The following SPTBN1 variants were observed in gnomAD, a reference collection of about 807,000 sequenced individuals.
The protein encoded by SPTBN1 is spectrin beta, non-erythrocytic 1.
A neutral mutation model predicts 266.4 loss-of-function variants in SPTBN1; 32 were observed. The ratio of observed to expected loss-of-function variants is 0.12; its 90% confidence interval spans 0.09 to 0.16. SPTBN1 has a LOEUF of 0.16. SPTBN1 is among the 10% of genes least tolerant of loss of function. The probability of loss-of-function intolerance (pLI) is 1.00; values close to 1 mark genes in which losing one functional copy is unlikely to be tolerated. For missense variants in SPTBN1, 2,296 were observed against 3,067.1 expected (o/e 0.75, Z 5.94); for synonymous variants, 1,336 against 1,162.2 (o/e 1.15, Z -3.04).
In SPTBN1 at chr2:54,582,128, G is replaced by A. The variant is rs1373338327; in HGVS notation, c.149-16964G>A. On this transcript the variant is annotated intron_variant, in intron 2 of 35. Coordinates refer to ENST00000356805, the MANE Select transcript of SPTBN1 (RefSeq NM_003128.3). ...GACACTGATGCTTTTTAAAAACATG[G>A]CAGTGATAAATTATTTCATCACTTT... Among the ~76,000 whole-genome samples the A allele has an allele frequency of 3.3e-5, 5 of 152,130 alleles. No individual in the cohort carries two copies. The East Asian group carries it at 7.7e-4, about 23-fold the overall frequency.
chr2:54,648,982 T>TAA lies in SPTBN1; in HGVS notation c.4998-4_4998-3insAA. 6.3e-7 allele frequency: 1 copy of TAA among 1,589,544 alleles called. No homozygotes were observed. Among genetic ancestry groups the TAA allele is most frequent in the South Asian group, 1.1e-5 (1 of 88,686 alleles). ...TTCTCCCCATTGCTCCTTTTCTTTT[T>TAA]CAGTGAGCGCATTAGCATGCGGCAG... On this transcript the variant is annotated splice_polypyrimidine_tract_variant and splice_region_variant and intron_variant, in intron 24 of 35. Coordinates refer to ENST00000356805, the MANE Select transcript of SPTBN1 (RefSeq NM_003128.3).
At chr2:54,563,750 C>T (rs1673485424) in intron 2 of SPTBN1, among the ~76,000 whole-genome samples, 1 of 151,644 alleles carries the variant, frequency 6.6e-6, no homozygotes, top group African/African-American at 2.4e-5. Flanking sequence ...ATTACAGCCA[C>T]CTGCCACCAC....
intron 7 of SPTBN1, among the ~76,000 whole-genome samples, chr2:54,620,225 C>G (rs1011149289): frequency 1.3e-5 from 2 of 152,112 alleles, no homozygotes; most frequent in African/African-American, 4.8e-5. Context: ...GTAAGGCAAA[C>G]AAAACATGCA....
In SPTBN1 at chr2:54,558,788, C is replaced by G. The variant is rs1402968523; in HGVS notation, c.148+32222C>G. Reference sequence around the variant, plus strand: ...CGTTACGCCGGGCATAATGGAATTGCAGAGGACGTCTAGTATCTCCGGGCC... The same window carrying G: ...CGTTACGCCGGGCATAATGGAATTGGAGAGGACGTCTAGTATCTCCGGGCC... On this transcript the variant is annotated intron_variant, in intron 2 of 35. Coordinates refer to ENST00000356805, the MANE Select transcript of SPTBN1 (RefSeq NM_003128.3). This position sits in a 1 kb window ranked among gnomAD's most constrained non-coding sequence, Gnocchi z 4.6. 2 of 1,613,026 alleles carry G rather than the reference C, an allele frequency of 1.2e-6. No homozygotes were observed. The highest frequency in any genetic ancestry group is 2.7e-5 in the African/African-American group (2 of 74,890).
At chr2:54,512,324 G>C (rs777323610) in intron 1 of SPTBN1, among the ~76,000 whole-genome samples, 1 of 152,106 alleles carries the variant, frequency 6.6e-6, no homozygotes, top group Non-Finnish European at 1.5e-5. Context: ...TTGTTTATTT[G>C]AAAGGTTATG....
At chr2:54,656,034 A>G in intron 29 of SPTBN1, 36 bp downstream of exon 29, 1 of 1,542,008 alleles carries the variant, frequency 6.5e-7, no homozygotes, top group Non-Finnish European at 8.9e-7. Flanking sequence ...TCTTTTGGGT[A>G]TCAATGGAAA....
chr2:54,629,622 C>T lies in SPTBN1; in HGVS notation c.2488C>T (p.Arg830Trp), dbSNP rs1558446045. 7 of 1,613,848 alleles carry T rather than the reference C, an allele frequency of 4.3e-6. No homozygotes were observed. The highest frequency in any genetic ancestry group is 4.2e-6 in the Non-Finnish European group (5 of 1,179,978). The change falls in exon 14 of 36, where the codon CGG (arginine) becomes TGG (tryptophan). Residue 830 changes from arginine to tryptophan, a missense_variant. Physicochemically the swap from Arg to Trp is moderately radical, Grantham distance 101. Coordinates refer to ENST00000356805, the MANE Select transcript of SPTBN1 (RefSeq NM_003128.3). ...VRGRLSGIEE[R>W]YKEVAELTRL... ...GGGCAGGCTGTCGGGCATCGAGGAG[C>T]GGTATAAGGAGGTGGCAGAGCTGAC...
intron 20 of SPTBN1, among the ~76,000 whole-genome samples, chr2:54,644,807 GCTGT>G (rs1679812299): frequency 6.6e-6 from 1 of 152,176 alleles, no homozygotes; most frequent in Non-Finnish European, 1.5e-5. Flanking sequence ...TTGGGTGTTG[GCTGT>G]CTGTGTATGG....
At chr2:54,552,321 TA>T (rs1389282306) in intron 2 of SPTBN1, among the ~76,000 whole-genome samples, 1 of 152,236 alleles carries the variant, frequency 6.6e-6, no homozygotes, top group Admixed American at 6.5e-5. Flanking sequence ...GTATCTCACT[TA>T]ATTTATAAAT....
Position 54,558,789 on chromosome 2 carries a change from A to G in SPTBN1, c.148+32223A>G, listed in dbSNP as rs1400103976. On this transcript the variant is annotated intron_variant, in intron 2 of 35. Coordinates refer to ENST00000356805, the MANE Select transcript of SPTBN1 (RefSeq NM_003128.3). The surrounding 1 kb of genome is among the most constrained non-coding windows in gnomAD (Gnocchi z 4.6). ...GTTACGCCGGGCATAATGGAATTGC[A>G]GAGGACGTCTAGTATCTCCGGGCCG... 3 of 1,613,296 alleles carry G rather than the reference A, an allele frequency of 1.9e-6. No individual in the cohort carries two copies. The highest frequency in any genetic ancestry group is 1.7e-6 in the Non-Finnish European group (2 of 1,179,536).
intron 2 of SPTBN1, among the ~76,000 whole-genome samples, chr2:54,590,503 C>T (rs1239623838): frequency 6.6e-6 from 1 of 152,178 alleles, no homozygotes; most frequent in Non-Finnish European, 1.5e-5. Flanking sequence ...TCTGAGCCAA[C>T]TGCAAGTTAA....
At chr2:54,663,058 C>T (rs888200617) in intron 32 of SPTBN1, 3 of 152,202 alleles carry the variant, frequency 2.0e-5, no homozygotes, top group Admixed American at 6.5e-5. Flanking sequence ...GATTCTCCCT[C>T]CTTCCAGAGC....
At chr2:54,642,303 C>T (rs1478095404) in intron 18 of SPTBN1, among the ~76,000 whole-genome samples, 1 of 152,138 alleles carries the variant, frequency 6.6e-6, no homozygotes, top group Admixed American at 6.5e-5. Context: ...CAGATCCAAG[C>T]AGACATGTTG....
intron 1 of SPTBN1, among the ~76,000 whole-genome samples, chr2:54,492,341 GTTTTTTTGTT>G (rs1668732063): frequency 1.1e-5 from 1 of 88,392 alleles, no homozygotes; most frequent in African/African-American, 4.1e-5. Flanking sequence ...GTCTGCAGTT[GTTTTTTTGTT>G]TTTTTTTTTT....
Position 54,646,146 on chromosome 2 carries a change from A to G in SPTBN1, c.4585-48A>G. 2 of 1,592,516 alleles carry G rather than the reference A, an allele frequency of 1.3e-6. No individual in the cohort carries two copies. Among genetic ancestry groups the G allele is most frequent in the Non-Finnish European group, 1.7e-6 (2 of 1,167,918 alleles). On this transcript the variant is annotated intron_variant, in intron 22 of 35. Coordinates refer to ENST00000356805, the MANE Select transcript of SPTBN1 (RefSeq NM_003128.3). This position sits in a 1 kb window ranked among gnomAD's most constrained non-coding sequence, Gnocchi z 4.4. ...CCTAACAGCTTGACATAAGCAGCAG[A>G]CGGCTGCCATTTAGCAAGCCTTTGT...
intron 3 of SPTBN1, among the ~76,000 whole-genome samples, chr2:54,602,380 G>C (rs1271162062): frequency 2.6e-5 from 4 of 152,158 alleles, no homozygotes; most frequent in Non-Finnish European, 2.9e-5. Flanking sequence ...TGTGGAGAGA[G>C]AGGAGCCCCT....
intron 17 of SPTBN1, among the ~76,000 whole-genome samples, chr2:54,637,063 C>G (rs1025698567): frequency 1.6e-4 from 24 of 152,286 alleles, no homozygotes; most frequent in African/African-American, 5.1e-4. Context: ...GCGAGCACCC[C>G]CTTTACCTTA....
chr2:54,553,660 G>T (rs139204005), intron 2 of SPTBN1, among the ~76,000 whole-genome samples: 2 of 152,300 alleles, frequency 1.3e-5, no homozygotes, highest in African/African-American at 4.8e-5. Flanking sequence ...TTTGTTTTCT[G>T]TCCCTCCCTG....
intron 2 of SPTBN1, among the ~76,000 whole-genome samples, chr2:54,585,186 T>C (rs1385320914): frequency 6.6e-6 from 1 of 152,238 alleles, no homozygotes; most frequent in Non-Finnish European, 1.5e-5. Flanking sequence ...AGATTCAATA[T>C]GACCAAGACC....
Sources: gnomAD v4.1 joint callset for allele counts (sites outside exome capture counted in the v4.1 genomes callset) on GRCh38, gnomAD v4.1.1 for gene constraint, Gnocchi (gnomAD v3.1) non-coding constraint, MANE v1.5 for transcripts, NCBI Gene and HGNC (gene_info 2026-07-23, HGNC 2026-07-21) for gene names.